The following DGKB variants were observed in gnomAD, a reference collection of about 807,000 sequenced individuals.
DGKB encodes diacylglycerol kinase beta.
DGKB carries 67 observed loss-of-function variants against 114.3 expected under a neutral mutation model. That is an observed-to-expected ratio of 0.59 (90% confidence interval 0.48 to 0.72). The LOEUF is 0.72. DGKB is among the 30% of genes least tolerant of loss of function. The pLI is 0.00. For synonymous variants in DGKB, 398 were observed against 323.1 expected, an observed-to-expected ratio of 1.23 and a Z score of -2.49; for missense variants, 907 against 975.2, an observed-to-expected ratio of 0.93 and a Z score of 0.93.
At chr7:14,798,007 T>A (rs1391151072) in intron 2 of DGKB, among the ~76,000 whole-genome samples, 1 of 152,098 alleles carries the variant, frequency 6.6e-6, no homozygotes, top group Non-Finnish European at 1.5e-5. Flanking sequence ...GGACCCGAAA[T>A]CAGGTTGCTG....
intron 13 of DGKB, among the ~76,000 whole-genome samples, chr7:14,646,416 G>A (rs1484068391): frequency 6.6e-6 from 1 of 152,074 alleles, no homozygotes; most frequent in Non-Finnish European, 1.5e-5. Context: ...GCCCCACATT[G>A]AGTATTAGAC....
rs528062311 is a variant in DGKB at position 14,974,582 on chromosome 7, G to A, written c.-188+114C>T. On this transcript the variant is annotated intron_variant, in intron 1 of 4. Transcript: ENST00000437998. ...TAAGTGCAAAATATAAGCAAATAAA[G>A]AGAAGGGCATTTATTCCATCAAATA... 4 of 152,150 alleles carry A rather than the reference G, an allele frequency of 2.6e-5. No homozygotes were observed. In the East Asian group the frequency reaches 7.8e-4, roughly 30 times the overall value. The allele number at this position is 152,150 out of a possible 1,614,324, so 9.4% of individuals were successfully genotyped here.
At chr7:14,253,441 C>A (rs1028320606) in intron 23 of DGKB, among the ~76,000 whole-genome samples, 1 of 152,170 alleles carries the variant, frequency 6.6e-6, no homozygotes, top group Non-Finnish European at 1.5e-5. Flanking sequence ...TCCTCTACAT[C>A]TCCAGCTGTC....
At chr7:14,218,541 G>A (rs1329489229) in intron 23 of DGKB, among the ~76,000 whole-genome samples, 1 of 152,046 alleles carries the variant, frequency 6.6e-6, no homozygotes, top group Non-Finnish European at 1.5e-5. Context: ...ATTGACCAAA[G>A]GCCAAATGCT....
At chr7:14,357,624 T>A (rs2128621709) in intron 21 of DGKB, among the ~76,000 whole-genome samples, 1 of 152,330 alleles carries the variant, frequency 6.6e-6, no homozygotes, top group African/African-American at 2.4e-5. Context: ...TATGTGTGAA[T>A]TTGATCCTGT....
chr7:14,316,805 A>G (rs1806638496), intron 23 of DGKB, among the ~76,000 whole-genome samples: 1 of 151,378 alleles, frequency 6.6e-6, no homozygotes, highest in African/African-American at 2.4e-5. Context: ...TCATTCTGAT[A>G]TCAAAGCCGG....
At chr7:14,738,526 T>C (rs1168380515) in intron 4 of DGKB, among the ~76,000 whole-genome samples, 1 of 152,210 alleles carries the variant, frequency 6.6e-6, no homozygotes, top group Non-Finnish European at 1.5e-5. Context: ...ACTTCTTGAT[T>C]TGTTAGGAGG....
intron 1 of DGKB, among the ~76,000 whole-genome samples, chr7:14,947,275 AT>A (rs936320724): frequency 4.6e-5 from 7 of 151,644 alleles, no homozygotes; most frequent in Admixed American, 4.0e-4. Flanking sequence ...GTTTTAAGCC[AT>A]TTGTTATTTT....
intron 21 of DGKB, among the ~76,000 whole-genome samples, chr7:14,456,777 T>C (rs1286835271): frequency 2.0e-5 from 3 of 152,130 alleles, no homozygotes; most frequent in Non-Finnish European, 2.9e-5. Context: ...ATCTACATAA[T>C]TGACATGATT....
intron 17 of DGKB, among the ~76,000 whole-genome samples, chr7:14,600,988 G>T (rs1318518863): frequency 6.6e-6 from 1 of 152,164 alleles, no homozygotes; most frequent in Admixed American, 6.5e-5. Context: ...GAGGCTCTCT[G>T]CAGGGGCCTG....
In DGKB at chr7:14,310,080, T is replaced by G. The variant is rs546808548; in HGVS notation, c.2122+28435A>C. On this transcript the variant is annotated intron_variant, in intron 23 of 25. Transcript: ENST00000402815. ...GAAATTCCAGAACTGCCACGGAAGA[T>G]GAAGGAAGAAGGGAACAAAGGACTC... is the stretch of plus-strand genomic sequence containing the variant. 2.0e-5 allele frequency among the ~76,000 whole-genome samples: 3 copies of G among 152,184 alleles called. No homozygotes were observed. In the South Asian group the frequency reaches 6.2e-4, roughly 32 times the overall value.
chr7:14,526,379 C>A (rs1790649699), intron 20 of DGKB, among the ~76,000 whole-genome samples: 1 of 152,006 alleles, frequency 6.6e-6, no homozygotes, highest in Non-Finnish European at 1.5e-5. Flanking sequence ...TGAACATTGC[C>A]AGAGATCTCC....
At chr7:14,213,380 T>C (rs983030454) in intron 23 of DGKB, among the ~76,000 whole-genome samples, 2 of 152,144 alleles carry the variant, frequency 1.3e-5, no homozygotes, top group Non-Finnish European at 2.9e-5. Flanking sequence ...TATTGACATA[T>C]TACATTCCCA....
At chr7:14,767,359 T>C (rs1174760447) in intron 2 of DGKB, among the ~76,000 whole-genome samples, 1 of 151,836 alleles carries the variant, frequency 6.6e-6, no homozygotes, top group African/African-American at 2.4e-5. Flanking sequence ...GCTGCTTAAT[T>C]ACCATTCACT....
chr7:14,872,205 A>T (rs1246501380), intron 1 of DGKB, among the ~76,000 whole-genome samples: 1 of 152,194 alleles, frequency 6.6e-6, no homozygotes, highest in Non-Finnish European at 1.5e-5. Flanking sequence ...GCAACTTATA[A>T]ATGACACCAA....
intron 3 of DGKB, 56 bp from the exon 4 acceptor site, chr7:14,754,004 A>G: frequency 9.6e-6 from 11 of 1,148,360 alleles, no homozygotes; most frequent in Non-Finnish European, 1.3e-5. Flanking sequence ...CTTTATACTC[A>G]TTATCTCATA....
chr7:14,170,093 C>G (rs1215255308), intron 25 of DGKB, among the ~76,000 whole-genome samples: 2 of 143,884 alleles, frequency 1.4e-5, no homozygotes, highest in Non-Finnish European at 3.0e-5. Flanking sequence ...GAGATCACAC[C>G]ATTGCACTCC....
At chr7:14,709,933 A>T (rs1194768232) in intron 6 of DGKB, among the ~76,000 whole-genome samples, 1 of 150,688 alleles carries the variant, frequency 6.6e-6, no homozygotes, top group East Asian at 2.0e-4. Flanking sequence ...AACCTGCACA[A>T]TGTGCACATG....
chr7:14,302,868 A>G (rs1284488958), intron 23 of DGKB, among the ~76,000 whole-genome samples: 1 of 152,116 alleles, frequency 6.6e-6, no homozygotes, highest in Non-Finnish European at 1.5e-5. Context: ...AAGATCTATG[A>G]TGGGAGGTAT....
Sources: gnomAD v4.1 joint callset for allele counts (sites outside exome capture counted in the v4.1 genomes callset) on GRCh38, gnomAD v4.1.1 for gene constraint, MANE v1.5 for transcripts, NCBI Gene and HGNC (gene_info 2026-07-23, HGNC 2026-07-21) for gene names.